CLDN10: variants seen among roughly 807,000 people sequenced by gnomAD.
CLDN10 encodes the protein claudin 10.
Under a neutral mutation model 22.9 loss-of-function variants are expected in CLDN10, and 15 were observed. The observed-to-expected ratio is 0.65, with a 90% confidence interval of 0.44 to 1.01. The LOEUF is 1.01. CLDN10 is among the 50% of genes least tolerant of loss of function. The pLI, the probability that CLDN10 is intolerant of heterozygous loss-of-function variation, is 0.00. For synonymous variants in CLDN10, 114 were observed against 111.4 expected (o/e 1.02, Z -0.15); for missense variants, 247 against 287.8 (o/e 0.86, Z 1.03).
intron 1 of CLDN10, among the ~76,000 whole-genome samples, chr13:95,471,527 A>G (rs2042634133): frequency 6.9e-6 from 1 of 145,526 alleles, no homozygotes; most frequent in Non-Finnish European, 1.5e-5. Flanking sequence ...ATCTTCGCTC[A>G]CTGCAACCTC....
chr13:95,576,127 C>T (rs58386476), intron 3 of CLDN10, among the ~76,000 whole-genome samples: 2,901 of 152,242 alleles, frequency 0.019, 94 homozygotes, highest in African/African-American at 0.065. Flanking sequence ...AGGCTCAGGA[C>T]GAACCCAGGC....
chr13:95,568,254 C>G (rs939350011), intron 3 of CLDN10, among the ~76,000 whole-genome samples: 1 of 152,132 alleles, frequency 6.6e-6, no homozygotes, highest in African/African-American at 2.4e-5. Context: ...GTGGTAAGAA[C>G]AAAATAGAGT....
At chr13:95,524,774 C>T (rs1024998148) in intron 1 of CLDN10, among the ~76,000 whole-genome samples, 15 of 152,132 alleles carry the variant, frequency 9.9e-5, no homozygotes, top group African/African-American at 3.4e-4. Context: ...ACATTTTCAC[C>T]AGCAATGTAT....
At chr13:95,526,511 C>T (rs1371185703) in intron 1 of CLDN10, among the ~76,000 whole-genome samples, 1 of 152,164 alleles carries the variant, frequency 6.6e-6, no homozygotes, top group Non-Finnish European at 1.5e-5. Context: ...CACAGTCAGT[C>T]TCTTGTATAC....
At chr13:95,542,110 G>A (rs1374476516) in intron 1 of CLDN10, among the ~76,000 whole-genome samples, 1 of 152,178 alleles carries the variant, frequency 6.6e-6, no homozygotes, top group African/African-American at 2.4e-5. Context: ...AGCGAGGTGG[G>A]AAGTGCTACA....
At chr13:95,504,793 C>T (rs1449649014) in intron 1 of CLDN10, among the ~76,000 whole-genome samples, 2 of 152,232 alleles carry the variant, frequency 1.3e-5, no homozygotes, top group Non-Finnish European at 2.9e-5. Context: ...CCACCTCAGC[C>T]TCCCAAAGTG....
chr13:95,485,251 C>T (rs1333456192), intron 1 of CLDN10, among the ~76,000 whole-genome samples: 6 of 151,612 alleles, frequency 4.0e-5, no homozygotes, highest in Non-Finnish European at 7.4e-5. Context: ...TACAGGCTGA[C>T]GGGGACCTGA....
intron 1 of CLDN10, among the ~76,000 whole-genome samples, chr13:95,506,150 G>C (rs1444211139): frequency 6.6e-6 from 1 of 151,958 alleles, no homozygotes. Flanking sequence ...GCTGATGCTA[G>C]TGTGTGTGTG....
chr13:95,467,041 T>G (rs1380291981), intron 1 of CLDN10, among the ~76,000 whole-genome samples: 2 of 150,860 alleles, frequency 1.3e-5, no homozygotes, highest in Non-Finnish European at 3.0e-5. Context: ...CATGCCCGTT[T>G]TTTTTTTTTG....
chr13:95,467,244 A>C (rs1161012203), intron 1 of CLDN10, among the ~76,000 whole-genome samples: 4 of 152,130 alleles, frequency 2.6e-5, no homozygotes, highest in African/African-American at 9.7e-5. Context: ...CCAGATACTG[A>C]AATTATTTTA....
chr13:95,454,870 T>A (rs149628902), intron 1 of CLDN10, among the ~76,000 whole-genome samples: 3 of 152,064 alleles, frequency 2.0e-5, no homozygotes, highest in African/African-American at 7.2e-5. Context: ...CAAGTTTGAG[T>A]CACAAGCCTG....
intron 1 of CLDN10, among the ~76,000 whole-genome samples, chr13:95,529,220 A>T (rs1452260321): frequency 1.3e-5 from 2 of 152,188 alleles, no homozygotes; most frequent in African/African-American, 4.8e-5. Flanking sequence ...AGAAAATTCA[A>T]CAGATACTAT....
chr13:95,562,014 C>G lies in CLDN10; in HGVS notation c.464+1551C>G, dbSNP rs577671281. On this transcript the variant is annotated intron_variant, in intron 3 of 4. Transcript: ENST00000299339. ...GTGCGATCTCGACTCACTGCAACCT[C>G]CATCTCCCAGGGTCAAGTGATTCTC... 5.9e-5 allele frequency among the ~76,000 whole-genome samples: 9 copies of G among 151,880 alleles called. No individual in the cohort carries two copies. The East Asian group carries it at 1.7e-3, about 29-fold the overall frequency.
chr13:95,528,335 G>A (rs1446138322), intron 1 of CLDN10, among the ~76,000 whole-genome samples: 2 of 152,120 alleles, frequency 1.3e-5, no homozygotes, highest in African/African-American at 4.8e-5. Flanking sequence ...CTGCCTCCAT[G>A]TATGATGTGC....
intron 1 of CLDN10, among the ~76,000 whole-genome samples, chr13:95,522,955 C>T (rs1198224766): frequency 1.3e-5 from 2 of 151,208 alleles, no homozygotes; most frequent in African/African-American, 4.9e-5. Flanking sequence ...TTTGTTTTGT[C>T]TCTTGGGTTT....
chr13:95,472,980 T>C (rs988131187), intron 1 of CLDN10, among the ~76,000 whole-genome samples: 3 of 151,938 alleles, frequency 2.0e-5, no homozygotes, highest in African/African-American at 7.3e-5. Flanking sequence ...TCAGTACAAA[T>C]AATTTAAAAA....
chr13:95,552,602 C>T, upstream of CLDN10: 4 of 936,090 alleles, frequency 4.3e-6, no homozygotes, highest in South Asian at 6.3e-5. Context: ...TGAGGGGTCG[C>T]GTGCGCCCCC....
At chr13:95,549,874 A>G (rs2043546146), upstream of CLDN10, among the ~76,000 whole-genome samples, 1 of 152,210 alleles carries the variant, frequency 6.6e-6, no homozygotes, top group Non-Finnish European at 1.5e-5. Flanking sequence ...CATCCCTTTT[A>G]AGTTGAAATT....
chr13:95,495,368 G>A (rs562397477), intron 1 of CLDN10, among the ~76,000 whole-genome samples: 1 of 151,840 alleles, frequency 6.6e-6, no homozygotes, highest in South Asian at 2.1e-4. Context: ...TATTTATTGG[G>A]TATTACCAGG....
Sources: allele counts gnomAD v4.1 joint callset (sites outside exome capture counted in the v4.1 genomes callset), GRCh38; gene constraint gnomAD v4.1.1; transcripts MANE v1.5; gene names NCBI Gene and HGNC (gene_info 2026-07-23, HGNC 2026-07-21).